CCDC102B: variants seen among roughly 807,000 people sequenced by gnomAD.
CCDC102B encodes coiled-coil domain containing 102B.
In CCDC102B, 75 loss-of-function variants were observed where a neutral mutation model predicts 57.4. That is an observed-to-expected ratio of 1.31 (90% CI 1.08 to 1.58). The LOEUF (loss-of-function observed/expected upper bound fraction) is 1.58, where lower values mean the gene tolerates loss of function less well. CCDC102B is among the 40% of genes most tolerant of loss of function. CCDC102B has a pLI of 0.00. For synonymous variants in CCDC102B, 206 were observed against 201.9 expected (o/e 1.02, Z -0.17); for missense variants, 636 against 582.6 (o/e 1.09, Z -0.94).
intron 6 of CCDC102B, among the ~76,000 whole-genome samples, chr18:68,985,936 G>A (rs1035400307): frequency 3.9e-5 from 6 of 152,154 alleles, no homozygotes; most frequent in Admixed American, 3.9e-4. Context: ...AATCACTAGT[G>A]TGTTGGAGCA....
Position 68,890,069 on chromosome 18 carries a change from A to G in CCDC102B, c.1054-7150A>G, listed in dbSNP as rs533441392. 7.9e-5 allele frequency among the ~76,000 whole-genome samples: 12 copies of G among 152,146 alleles called. 1 individual carries two copies. The South Asian group carries it at 2.5e-3, about 32-fold the overall frequency. ...CTTTCCTTGCAGTGTAATTGCTTCC[A>G]TATCCTTTCAGTGGACAGGGATAGA... On this transcript the variant is annotated intron_variant, in intron 5 of 7. Coordinates refer to ENST00000360242, the MANE Select transcript of CCDC102B (RefSeq NM_024781.3).
chr18:68,949,558 C>T (rs1250502201), intron 6 of CCDC102B, among the ~76,000 whole-genome samples: 1 of 152,028 alleles, frequency 6.6e-6, no homozygotes, highest in Non-Finnish European at 1.5e-5. Flanking sequence ...AATATTTAGT[C>T]AGCTTTTTGC....
intron 7 of CCDC102B, among the ~76,000 whole-genome samples, chr18:69,026,565 G>A (rs900953677): frequency 6.6e-6 from 1 of 151,580 alleles, no homozygotes; most frequent in East Asian, 1.9e-4. Context: ...CACACAGAGA[G>A]AGGATCAACA....
rs747293368 is a variant in CCDC102B, at chr18:68,837,313, A to G, written c.550A>G (p.Ile184Val). The change falls in exon 2 of 8, where the codon ATC becomes GTC. Residue 184 changes from isoleucine (I) to valine (V), a missense_variant. Transcript: ENST00000360242. ...FQLSSQMHES[I>V]REYLVKRQFS... ...ATTGAGTTCACAAATGCATGAGTCT[A>G]TCAGAGAGTATTTGGTAAAAAGACA... The G allele has an allele frequency of 4.5e-5, 73 of 1,613,020 alleles. No individual in the cohort carries two copies. The Middle Eastern group carries it at 4.9e-4, about 11-fold the overall frequency.
chr18:68,822,070 T>C (rs1036027625), intron 1 of CCDC102B, among the ~76,000 whole-genome samples: 21 of 152,112 alleles, frequency 1.4e-4, no homozygotes, highest in Admixed American at 3.3e-4. Context: ...ACTACTGTAG[T>C]TTTCTGAGAA....
At chr18:69,011,782 T>C (rs1322215795) in intron 7 of CCDC102B, among the ~76,000 whole-genome samples, 1 of 152,088 alleles carries the variant, frequency 6.6e-6, no homozygotes, top group African/African-American at 2.4e-5. Context: ...CTGTTCCTGC[T>C]CCTGTTGGAC....
At chr18:69,040,556 A>G (rs2052410378) in intron 7 of CCDC102B, among the ~76,000 whole-genome samples, 1 of 151,898 alleles carries the variant, frequency 6.6e-6, no homozygotes, top group Non-Finnish European at 1.5e-5. Flanking sequence ...ATTTTTCATT[A>G]ACTATCCTCT....
In CCDC102B at chr18:68,777,377, T is replaced by C. The variant is rs538726581; in HGVS notation, c.-66-45989T>C. Among the ~76,000 whole-genome samples the C allele has an allele frequency of 5.9e-5, 9 of 152,272 alleles. No homozygotes were observed. In the East Asian group the frequency reaches 1.5e-3, roughly 26 times the overall value. ...TTGTCAGTTTCTAGGCTTTCTCTCC[T>C]CTCTCTTAGGCCCTGAGAAGTCCTC... On this transcript the variant is annotated intron_variant, in intron 2 of 3. Transcript: ENST00000578970.
chr18:68,749,335 G>A (rs1169474384), intron 2 of CCDC102B, among the ~76,000 whole-genome samples: 8 of 151,874 alleles, frequency 5.3e-5, no homozygotes, highest in African/African-American at 1.9e-4. Flanking sequence ...AGCTTGATGG[G>A]GATGGCATTG....
In CCDC102B at chr18:69,055,105, A is replaced by T. The variant is rs779352916; in HGVS notation, c.*968A>T. 5.0e-5 allele frequency: 49 copies of T among 982,458 alleles called. No individual in the cohort carries two copies. Among genetic ancestry groups the T allele is most frequent in the Non-Finnish European group, 5.7e-5 (47 of 827,468 alleles). 60.9% of individuals were successfully genotyped at this position (982,458 alleles called of 1,614,324 possible). A position where few individuals can be genotyped will look rare whatever the true frequency, so the allele number is the denominator to read the frequency against. ...ACTCAGTCAATAACATACTGGTTTT[A>T]CTCATCTCCCCCTCCATTGATTAGC... On this transcript the variant is annotated 3_prime_UTR_variant, in exon 8 of 8. Coordinates refer to ENST00000360242, the MANE Select transcript of CCDC102B (RefSeq NM_024781.3).
intron 5 of CCDC102B, among the ~76,000 whole-genome samples, chr18:68,875,254 T>C (rs1330388860): frequency 6.6e-6 from 1 of 152,160 alleles, no homozygotes; most frequent in African/African-American, 2.4e-5. Flanking sequence ...AAAACACTTA[T>C]TTTTCCACTC....
chr18:68,790,970 T>C (rs2035438421), intron 2 of CCDC102B, among the ~76,000 whole-genome samples: 1 of 152,218 alleles, frequency 6.6e-6, no homozygotes, highest in African/African-American at 2.4e-5. Context: ...TAGGTAATAT[T>C]TTGTTGTCAG....
intron 2 of CCDC102B, chr18:68,753,055 G>T (rs2033921723): frequency 6.6e-6 from 1 of 151,736 alleles, no homozygotes; most frequent in South Asian, 2.1e-4. Flanking sequence ...TGTAATATGG[G>T]TAACTTATTC....
In CCDC102B at chr18:68,923,367, G is replaced by T. The variant is rs531622088; in HGVS notation, c.1263+25939G>T. On this transcript the variant is annotated intron_variant, in intron 6 of 7. Transcript: ENST00000360242. ...TGTATATATGTATTTTTATATATTT[G>T]TAATAAAATACCTATGCAAACTATA... 2.4e-4 allele frequency among the ~76,000 whole-genome samples: 37 copies of T among 151,724 alleles called. 1 individual carries two copies. In the South Asian group the frequency reaches 7.1e-3, roughly 29 times the overall value.
intron 5 of CCDC102B, among the ~76,000 whole-genome samples, chr18:68,879,186 G>A (rs1025457609): frequency 2.0e-4 from 30 of 151,284 alleles, no homozygotes; most frequent in Non-Finnish European, 5.9e-5. Flanking sequence ...CAGCTCTTAA[G>A]GCAGCATGTC....
intron 1 of CCDC102B, among the ~76,000 whole-genome samples, chr18:68,820,776 T>G (rs986112962): frequency 6.6e-6 from 1 of 152,144 alleles, no homozygotes; most frequent in Non-Finnish European, 1.5e-5. Flanking sequence ...GATGGAATGG[T>G]GAGCAGAAAC....
intron 2 of CCDC102B, among the ~76,000 whole-genome samples, chr18:68,778,958 A>G (rs1361571584): frequency 6.6e-6 from 1 of 151,846 alleles, no homozygotes; most frequent in Admixed American, 6.6e-5. Context: ...TAGGGTGGGT[A>G]TATGAAAAAG....
chr18:68,965,150 A>C (rs1051235504), intron 6 of CCDC102B, among the ~76,000 whole-genome samples: 2 of 151,870 alleles, frequency 1.3e-5, no homozygotes, highest in African/African-American at 4.8e-5. Context: ...ATTTTCACCT[A>C]TGTCTTCTAT....
intron 1 of CCDC102B, among the ~76,000 whole-genome samples, chr18:68,821,603 C>T (rs1157545171): frequency 6.6e-6 from 1 of 151,648 alleles, no homozygotes; most frequent in African/African-American, 2.4e-5. Flanking sequence ...ATACAGGCAG[C>T]AGAATAATAA....
Sources: allele counts gnomAD v4.1 joint callset (sites outside exome capture counted in the v4.1 genomes callset), GRCh38; gene constraint gnomAD v4.1.1; transcripts MANE v1.5; gene names NCBI Gene and HGNC (gene_info 2026-07-23, HGNC 2026-07-21).